BICC1: variants seen among roughly 807,000 people sequenced by gnomAD.
BICC1 encodes the protein protein bicaudal C homolog 1.
BICC1 carries 43 observed loss-of-function variants against 111.0 expected under a neutral mutation model. That is an observed-to-expected ratio of 0.39 (90% CI 0.30 to 0.50). BICC1 has a LOEUF of 0.50. Among genes scored for constraint, BICC1 ranks in the 20% least tolerant of loss-of-function variants. The probability of loss-of-function intolerance (pLI) is 0.88; values close to 1 mark genes in which losing one functional copy is unlikely to be tolerated. For synonymous variants in BICC1, 467 were observed against 434.4 expected (o/e 1.07, Z -0.93); for missense variants, 1,091 against 1,203.2 (o/e 0.91, Z 1.38).
chr10:58,532,684 G>A (rs1649081), intron 1 of BICC1, among the ~76,000 whole-genome samples: 69,528 of 151,496 alleles, frequency 0.46, 16,980 homozygotes, highest in Admixed American at 0.62. Flanking sequence ...AAGAAGCAAT[G>A]GCCAAACACC....
At chr10:58,756,626 C>T (rs1056512624) in intron 3 of BICC1, among the ~76,000 whole-genome samples, 10 of 135,924 alleles carry the variant, frequency 7.4e-5, no homozygotes, top group African/African-American at 8.9e-5. Flanking sequence ...AACTACTAGC[C>T]TTTTTTTTTT....
chr10:58,792,732 A>G (rs1307035953), intron 8 of BICC1, among the ~76,000 whole-genome samples: 2 of 152,188 alleles, frequency 1.3e-5, no homozygotes, highest in African/African-American at 4.8e-5. Context: ...GCTCCCACTG[A>G]TTTTACATTA....
intron 3 of BICC1, among the ~76,000 whole-genome samples, chr10:58,727,996 T>C (rs2393491): frequency 0.64 from 97,512 of 152,228 alleles, 34,084 homozygotes; most frequent in East Asian, 0.9. Context: ...CTAGTGATCA[T>C]CTGAGCTTTC....
At chr10:58,764,151 C>A (rs565701048) in intron 3 of BICC1, among the ~76,000 whole-genome samples, 1 of 152,044 alleles carries the variant, frequency 6.6e-6, no homozygotes, top group Non-Finnish European at 1.5e-5. Flanking sequence ...TTCAGTAGAC[C>A]CAGGACTCAT....
At chr10:58,765,137 C>T (rs1431041480) in intron 3 of BICC1, among the ~76,000 whole-genome samples, 4 of 152,124 alleles carry the variant, frequency 2.6e-5, no homozygotes, top group Non-Finnish European at 5.9e-5. Flanking sequence ...GGCTGGAGTG[C>T]AGTGGTGCGA....
intron 2 of BICC1, among the ~76,000 whole-genome samples, chr10:58,674,618 A>G (rs4948310): frequency 0.98 from 148,793 of 152,258 alleles, 72,823 homozygotes; most frequent in Middle Eastern, 1. Context: ...TGAAGGACCA[A>G]TTCAAATAGA....
intron 17 of BICC1, among the ~76,000 whole-genome samples, chr10:58,811,064 A>G (rs556718515): frequency 1.3e-5 from 2 of 152,204 alleles, no homozygotes; most frequent in Non-Finnish European, 2.9e-5. Context: ...TGAGAAATTA[A>G]TCTACTTCAA....
intron 2 of BICC1, among the ~76,000 whole-genome samples, chr10:58,695,488 G>A (rs1211327151): frequency 6.6e-6 from 1 of 152,164 alleles, no homozygotes; most frequent in Non-Finnish European, 1.5e-5. Context: ...CATTTTGAAT[G>A]ATGAATTTTG....
chr10:58,611,423 G>A (rs529548608), intron 1 of BICC1, among the ~76,000 whole-genome samples: 7 of 151,046 alleles, frequency 4.6e-5, no homozygotes, highest in Non-Finnish European at 7.4e-5. Context: ...ATATGTACAC[G>A]TACAGACTTT....
At chr10:58,823,684 T>A in intron 20 of BICC1, 1 of 984,762 alleles carries the variant, frequency 1.0e-6, no homozygotes, top group Non-Finnish European at 1.2e-6. Context: ...TTCCTTTTTT[T>A]TCTTTGCTGT....
At chr10:58,820,861 C>T (rs1271463690) in intron 20 of BICC1, among the ~76,000 whole-genome samples, 2 of 152,110 alleles carry the variant, frequency 1.3e-5, no homozygotes, top group African/African-American at 4.8e-5. Context: ...TCCTTGCACA[C>T]CGACTGAGTT....
At chr10:58,588,441 G>T (rs925566895) in intron 1 of BICC1, among the ~76,000 whole-genome samples, 8 of 152,182 alleles carry the variant, frequency 5.3e-5, no homozygotes, top group Non-Finnish European at 1.0e-4. Flanking sequence ...AGGGAGAGTG[G>T]CAGTGATGTG....
chr10:58,648,612 T>G, intron 2 of BICC1: 1 of 984,976 alleles, frequency 1.0e-6, no homozygotes, highest in Non-Finnish European at 1.2e-6. Context: ...TCTCTCTCTT[T>G]CTCTCTTACA....
At chr10:58,748,317 G>T (rs1278256662) in intron 3 of BICC1, among the ~76,000 whole-genome samples, 1 of 152,040 alleles carries the variant, frequency 6.6e-6, no homozygotes, top group Non-Finnish European at 1.5e-5. Flanking sequence ...AATAAAGAAA[G>T]AATATATAGT....
rs879657768 is a variant in BICC1 at position 58,607,341 on chromosome 10, T to TAAATAAATAAATAAATAAATAAATAAAA, written c.191-13511_191-13510insTAAATAAATAAATAAATAAATAAAAAAA. ...CAAAATAAATAAATAAATAAATAAA[T>TAAATAAATAAATAAATAAATAAATAAAA]AAAACTGTCATGCTACTGTTTTTTC... is the stretch of plus-strand genomic sequence containing the variant. On this transcript the variant is annotated intron_variant, in intron 1 of 20. Transcript: ENST00000373886. Among the ~76,000 whole-genome samples the TAAATAAATAAATAAATAAATAAATAAAA allele has an allele frequency of 2.5e-4, 38 of 151,816 alleles. 1 individual carries two copies. The highest frequency in any genetic ancestry group is 1.3e-3 in the South Asian group (6 of 4,794).
chr10:58,589,443 T>C (rs1490659404), intron 1 of BICC1, among the ~76,000 whole-genome samples: 2 of 149,158 alleles, frequency 1.3e-5, no homozygotes, highest in African/African-American at 4.9e-5. Context: ...TTCTTAGTTA[T>C]TAAGTTATAC....
intron 3 of BICC1, among the ~76,000 whole-genome samples, chr10:58,725,400 C>G (rs1347756599): frequency 6.6e-6 from 1 of 152,144 alleles, no homozygotes; most frequent in Non-Finnish European, 1.5e-5. Context: ...ACCAAATTTT[C>G]TCTCTACCTC....
intron 2 of BICC1, among the ~76,000 whole-genome samples, chr10:58,678,289 A>T (rs906926965): frequency 6.6e-6 from 1 of 152,214 alleles, no homozygotes. Flanking sequence ...AGTGTGCTGT[A>T]CTCAGGAGAC....
intron 3 of BICC1, among the ~76,000 whole-genome samples, chr10:58,739,807 A>G (rs975887790): frequency 1.3e-5 from 2 of 152,202 alleles, no homozygotes; most frequent in Admixed American, 1.3e-4. Flanking sequence ...TTTTAATAAT[A>G]TCACTTATCA....
Sources: gnomAD v4.1 joint callset for allele counts (sites outside exome capture counted in the v4.1 genomes callset) on GRCh38, gnomAD v4.1.1 for gene constraint, MANE v1.5 for transcripts, NCBI Gene and HGNC (gene_info 2026-07-23, HGNC 2026-07-21) for gene names.